The following GABRB1 variants were observed in gnomAD, a reference collection of about 807,000 sequenced individuals.
The protein encoded by GABRB1 is gamma-aminobutyric acid type A receptor subunit beta1.
Under a neutral mutation model 51.6 loss-of-function variants are expected in GABRB1, and 17 were observed. The ratio of observed to expected loss-of-function variants is 0.33; its 90% CI spans 0.23 to 0.49. The LOEUF (loss-of-function observed/expected upper bound fraction) is 0.49. GABRB1 is among the 20% of genes least tolerant of loss of function. The pLI is 0.99. For missense variants in GABRB1, 410 were observed against 600.6 expected (o/e 0.68, Z 3.32); for synonymous variants, 247 against 218.9 (o/e 1.13, Z -1.14).
At chr4:47,172,897 C>G (rs1560570585) in intron 4 of GABRB1, among the ~76,000 whole-genome samples, 1 of 152,100 alleles carries the variant, frequency 6.6e-6, no homozygotes, top group East Asian at 1.9e-4. Flanking sequence ...CTGCCTCGGC[C>G]ACCCAAAGTG....
chr4:47,145,513 T>C lies in GABRB1; in HGVS notation c.241-15736T>C, dbSNP rs144067299. 4.8e-3 allele frequency among the ~76,000 whole-genome samples: 726 copies of C among 152,100 alleles called. 3 individuals are homozygous for C. The highest frequency in any genetic ancestry group is 6.7e-3 in the Non-Finnish European group (453 of 67,970). On this transcript the variant is annotated intron_variant, in intron 3 of 8. Transcript: ENST00000295454. ...AGGACACTGATTACACGCACATGCA[T>C]AAACTTATCGCCCCAGAAAGAAAAT...
At chr4:47,168,609 T>C (rs1409841033) in intron 4 of GABRB1, among the ~76,000 whole-genome samples, 1 of 152,144 alleles carries the variant, frequency 6.6e-6, no homozygotes, top group African/African-American at 2.4e-5. Flanking sequence ...TATACTTCTA[T>C]GAAGGGACCC....
At chr4:47,091,617 C>T (rs185434351) in intron 3 of GABRB1, among the ~76,000 whole-genome samples, 54 of 152,222 alleles carry the variant, frequency 3.5e-4, no homozygotes, top group Admixed American at 6.5e-4. Context: ...AGCTTAGAAG[C>T]GCTCTCCTCT....
At chr4:47,042,600 A>G (rs2109491385) in intron 3 of GABRB1, among the ~76,000 whole-genome samples, 1 of 151,374 alleles carries the variant, frequency 6.6e-6, no homozygotes, top group South Asian at 2.1e-4. Flanking sequence ...AAATTGTTAA[A>G]GAATAATTTG....
intron 5 of GABRB1, among the ~76,000 whole-genome samples, chr4:47,370,495 AAAAG>A (rs1238282134): frequency 2.6e-5 from 4 of 151,990 alleles, no homozygotes; most frequent in Non-Finnish European, 5.9e-5. Context: ...TCAAAAAAAA[AAAAG>A]AAAGAAAGAA....
chr4:47,320,763 C>CTTTTTTTTTTTTTTTT (rs1264288318), intron 5 of GABRB1, among the ~76,000 whole-genome samples: 13 of 113,320 alleles, frequency 1.1e-4, no homozygotes, highest in Non-Finnish European at 1.6e-4. Context: ...GTTTTCTTTT[C>CTTTTTTTTTTTTTTTT]TTTTTTCTTT....
At chr4:47,367,238 C>G (rs1446457969) in intron 5 of GABRB1, among the ~76,000 whole-genome samples, 1 of 152,158 alleles carries the variant, frequency 6.6e-6, no homozygotes, top group Non-Finnish European at 1.5e-5. Flanking sequence ...TTACTGCTTA[C>G]TGATTAATTT....
At chr4:47,174,780 G>C (rs370055175) in intron 4 of GABRB1, among the ~76,000 whole-genome samples, 1 of 152,078 alleles carries the variant, frequency 6.6e-6, no homozygotes, top group African/African-American at 2.4e-5. Flanking sequence ...TTGCTGGGTA[G>C]GGTATTTCAA....
At chr4:47,329,195 A>G (rs1010093558) in intron 5 of GABRB1, among the ~76,000 whole-genome samples, 1 of 152,148 alleles carries the variant, frequency 6.6e-6, no homozygotes, top group East Asian at 1.9e-4. Context: ...CAGAAAGAGG[A>G]GACCAAGATA....
At chr4:47,371,771 T>A (rs1727205853) in intron 5 of GABRB1, among the ~76,000 whole-genome samples, 1 of 152,228 alleles carries the variant, frequency 6.6e-6, no homozygotes, top group Admixed American at 6.5e-5. Context: ...CTTTGCCCAC[T>A]TTTTAATGGA....
intron 3 of GABRB1, among the ~76,000 whole-genome samples, chr4:47,112,390 C>T (rs942286005): frequency 2.0e-5 from 3 of 152,264 alleles, no homozygotes; most frequent in East Asian, 1.9e-4. Context: ...AGGCGTGAGC[C>T]GCCACACCCA....
At chr4:47,421,933 C>A (rs1414691593) in intron 8 of GABRB1, among the ~76,000 whole-genome samples, 1 of 152,104 alleles carries the variant, frequency 6.6e-6, no homozygotes, top group African/African-American at 2.4e-5. Flanking sequence ...CAGTCCTTAT[C>A]TTCTAATGTA....
At chr4:47,002,688 C>A (rs1463929416) in intron 1 of GABRB1, among the ~76,000 whole-genome samples, 1 of 152,082 alleles carries the variant, frequency 6.6e-6, no homozygotes, top group Non-Finnish European at 1.5e-5. Flanking sequence ...GCCATCAAAC[C>A]AACACAGTGT....
intron 5 of GABRB1, among the ~76,000 whole-genome samples, chr4:47,363,116 A>C (rs945128037): frequency 6.6e-6 from 1 of 152,094 alleles, no homozygotes; most frequent in African/African-American, 2.4e-5. Context: ...GAGTCTTAAA[A>C]ACTATTAGTT....
At chr4:47,264,899 G>T (rs575347482) in intron 4 of GABRB1, among the ~76,000 whole-genome samples, 147 of 152,146 alleles carry the variant, frequency 9.7e-4, no homozygotes, top group African/African-American at 3.2e-3. Flanking sequence ...TTATATACAG[G>T]GAATCATGCA....
At chr4:47,049,256 T>C (rs912917656) in intron 3 of GABRB1, among the ~76,000 whole-genome samples, 2 of 152,100 alleles carry the variant, frequency 1.3e-5, no homozygotes, top group African/African-American at 4.8e-5. Context: ...CCAAAATCAT[T>C]TGTTACTTTT....
At chr4:47,268,543 G>A (rs1044472795) in intron 4 of GABRB1, among the ~76,000 whole-genome samples, 1 of 152,100 alleles carries the variant, frequency 6.6e-6, no homozygotes, top group Non-Finnish European at 1.5e-5. Flanking sequence ...TAGAAGGTAA[G>A]AGTATCATTT....
chr4:47,106,926 C>T (rs1171743673), intron 3 of GABRB1, among the ~76,000 whole-genome samples: 2 of 152,060 alleles, frequency 1.3e-5, no homozygotes, highest in African/African-American at 2.4e-5. Context: ...TGGGTAACTG[C>T]TTCTCATTCT....
At chr4:47,310,177 G>A (rs771401324) in intron 4 of GABRB1, among the ~76,000 whole-genome samples, 12 of 152,140 alleles carry the variant, frequency 7.9e-5, no homozygotes, top group Non-Finnish European at 1.6e-4. Flanking sequence ...TTTATCTGAT[G>A]TAAGAGCTCT....
Sources: gnomAD v4.1 joint callset for allele counts (sites outside exome capture counted in the v4.1 genomes callset) on GRCh38, gnomAD v4.1.1 for gene constraint, MANE v1.5 for transcripts, NCBI Gene and HGNC (gene_info 2026-07-23, HGNC 2026-07-21) for gene names.